AKAP6: variants seen among roughly 807,000 people sequenced by gnomAD.
AKAP6 encodes the protein A-kinase anchor protein 6.
AKAP6 carries 58 observed loss-of-function variants against 188.5 expected under a neutral mutation model. The observed-to-expected ratio is 0.31, with a 90% confidence interval of 0.25 to 0.38. The LOEUF (loss-of-function observed/expected upper bound fraction) is 0.38. AKAP6 is among the 10% of genes least tolerant of loss of function. The pLI is 1.00. For missense variants in AKAP6, 2,710 were observed against 2,740.0 expected, an observed-to-expected ratio of 0.99 and a Z score of 0.24; for synonymous variants, 989 against 998.6, an observed-to-expected ratio of 0.99 and a Z score of 0.18.
rs1009775034 is a variant in AKAP6, at chr14:32,453,630, T to TCTG, written c.324+19814_324+19816dup. ...TTTTTTTTTTGAGACGGAGTCTCGT[T>TCTG]CTGTCGCCCAGGCGGGAGTGCAGTG... On this transcript the variant is annotated intron_variant, in intron 2 of 13. Transcript: ENST00000280979. 3.2e-5 allele frequency among the ~76,000 whole-genome samples: 4 copies of TCTG among 126,156 alleles called. 1 individual carries two copies. In the Admixed American group the frequency reaches 3.7e-4, roughly 12 times the overall value. The allele number at this position is 126,156 out of a possible 152,430, so 82.8% of individuals were successfully genotyped here.
intron 12 of AKAP6, among the ~76,000 whole-genome samples, chr14:32,799,671 A>G (rs1193085949): frequency 6.6e-6 from 1 of 152,044 alleles, no homozygotes; most frequent in East Asian, 1.9e-4. Context: ...GTCGGAGAGC[A>G]TTCGTTGTAT....
intron 2 of AKAP6, among the ~76,000 whole-genome samples, chr14:32,451,331 TC>T (rs2138776671): frequency 6.6e-6 from 1 of 152,352 alleles, no homozygotes; most frequent in South Asian, 2.1e-4. Context: ...GATCCTACTT[TC>T]AATGTTCCAG....
chr14:32,708,202 A>G (rs1890893529), intron 9 of AKAP6, among the ~76,000 whole-genome samples: 1 of 152,122 alleles, frequency 6.6e-6, no homozygotes, highest in Non-Finnish European at 1.5e-5. Context: ...TAGAAGCACA[A>G]TTTGTACTTG....
intron 2 of AKAP6, among the ~76,000 whole-genome samples, chr14:32,534,172 G>A (rs1413388928): frequency 6.6e-6 from 1 of 152,082 alleles, no homozygotes; most frequent in Admixed American, 6.5e-5. Flanking sequence ...TGAATTACAT[G>A]AAATCAGAAG....
In AKAP6 at chr14:32,476,380, C is replaced by T. The variant is rs180967846; in HGVS notation, c.324+42563C>T. Among the ~76,000 whole-genome samples the T allele has an allele frequency of 2.6e-3, 402 of 152,260 alleles. 5 individuals are homozygous for T. Among genetic ancestry groups the T allele is most frequent in the African/African-American group, 9.4e-3 (390 of 41,558 alleles). The stretch of plus-strand genomic sequence containing the variant: ...CTTGGGGAGAAATGCATAGTGCCTC[C>T]TTATTTGGAAGCCCCCAAAGTCATC... On this transcript the variant is annotated intron_variant, in intron 2 of 13. Transcript: ENST00000280979.
In AKAP6 at chr14:32,823,666, A is replaced by T; in HGVS notation, c.5853A>T (p.Glu1951Asp). 6.2e-7 allele frequency: 1 copy of T among 1,613,838 alleles called. No individual in the cohort carries two copies. ...SLDDSNTAGK[E>D]FVSQDVRHLP... ...ATGATTCAAATACTGCTGGCAAGGA[A>T]TTTGTTTCCCAAGATGTTAGACATC... The change falls in exon 13 of 14, where the codon GAA becomes GAT. Residue 1951 changes from glutamate to aspartate, a missense_variant. Coordinates refer to ENST00000280979, the MANE Select transcript of AKAP6 (RefSeq NM_004274.5).
intron 4 of AKAP6, among the ~76,000 whole-genome samples, chr14:32,558,281 A>G (rs1406456536): frequency 6.6e-6 from 1 of 151,660 alleles, no homozygotes; most frequent in East Asian, 1.9e-4. Flanking sequence ...ATGATGCACA[A>G]TCTAAAATTT....
intron 7 of AKAP6, among the ~76,000 whole-genome samples, chr14:32,654,161 C>G (rs1888348769): frequency 6.6e-6 from 1 of 152,236 alleles, no homozygotes; most frequent in South Asian, 2.1e-4. Flanking sequence ...GTGTAATTTT[C>G]TCTTTCAAAA....
chr14:32,459,356 G>T (rs1891247720), intron 2 of AKAP6, among the ~76,000 whole-genome samples: 1 of 151,956 alleles, frequency 6.6e-6, no homozygotes, highest in South Asian at 2.1e-4. Flanking sequence ...TATAAATGAT[G>T]AACTCTATTG....
intron 7 of AKAP6, among the ~76,000 whole-genome samples, chr14:32,606,451 C>A (rs1886129141): frequency 6.6e-6 from 1 of 152,152 alleles, no homozygotes; most frequent in South Asian, 2.1e-4. Flanking sequence ...ACGAAGCATG[C>A]ATTATTACAG....
intron 8 of AKAP6, among the ~76,000 whole-genome samples, chr14:32,686,486 T>C (rs971376917): frequency 5.3e-5 from 8 of 152,108 alleles, no homozygotes; most frequent in Non-Finnish European, 1.0e-4. Context: ...ATTGAGAGGA[T>C]AGATGCCCAA....
chr14:32,782,841 T>C (rs1236649195), intron 12 of AKAP6, among the ~76,000 whole-genome samples: 1 of 151,882 alleles, frequency 6.6e-6, no homozygotes, highest in African/African-American at 2.4e-5. Context: ...AATTTATCTA[T>C]AGAATTAATG....
At chr14:32,496,574 AT>A (rs1423556233) in intron 2 of AKAP6, among the ~76,000 whole-genome samples, 4 of 151,852 alleles carry the variant, frequency 2.6e-5, no homozygotes, top group African/African-American at 9.7e-5. Flanking sequence ...GAGACTTGAG[AT>A]TAAAAAAAAA....
chr14:32,776,214 TCTC>T (rs2033055501), intron 12 of AKAP6, among the ~76,000 whole-genome samples: 1 of 152,176 alleles, frequency 6.6e-6, no homozygotes, highest in Non-Finnish European at 1.5e-5. Flanking sequence ...CCCAACCAAA[TCTC>T]CTCTTGAATT....
chr14:32,718,086 A>T (rs2030323852), intron 9 of AKAP6, among the ~76,000 whole-genome samples: 1 of 152,138 alleles, frequency 6.6e-6, no homozygotes, highest in Admixed American at 6.6e-5. Context: ...TTTCAAGAGC[A>T]GTAGTATGGC....
intron 2 of AKAP6, among the ~76,000 whole-genome samples, chr14:32,505,718 T>G (rs1253044921): frequency 1.3e-5 from 2 of 152,302 alleles, no homozygotes; most frequent in African/African-American, 2.4e-5. Flanking sequence ...ATAGAGATGA[T>G]TCTACTTAGT....
chr14:32,810,777 A>G (rs1354314438), intron 12 of AKAP6, among the ~76,000 whole-genome samples: 2 of 152,192 alleles, frequency 1.3e-5, no homozygotes, highest in African/African-American at 2.4e-5. Context: ...GAGGCTATTA[A>G]AGCACAGATA....
chr14:32,382,565 A>C (rs1255565446), intron 1 of AKAP6, among the ~76,000 whole-genome samples: 8 of 152,192 alleles, frequency 5.3e-5, no homozygotes, highest in Non-Finnish European at 7.3e-5. Context: ...CAGATACTTC[A>C]ATTTAGAAAA....
chr14:32,694,696 A>C (rs1890329384), intron 8 of AKAP6, among the ~76,000 whole-genome samples: 1 of 152,176 alleles, frequency 6.6e-6, no homozygotes, highest in African/African-American at 2.4e-5. Flanking sequence ...AGTAATTAAA[A>C]TAAAATAGGC....
Sources: allele counts gnomAD v4.1 joint callset (sites outside exome capture counted in the v4.1 genomes callset), GRCh38; gene constraint gnomAD v4.1.1; transcripts MANE v1.5; gene names NCBI Gene and HGNC (gene_info 2026-07-23, HGNC 2026-07-21).